Variants in AUH observed in about 807,000 individuals in gnomAD.
AUH encodes the protein methylglutaconyl-CoA hydratase, mitochondrial.
Under a neutral mutation model 42.3 loss-of-function variants are expected in AUH, and 29 were observed. That is an observed-to-expected ratio of 0.69 (90% confidence interval 0.51 to 0.93). The LOEUF (loss-of-function observed/expected upper bound fraction) is 0.93, where lower values mean the gene tolerates loss of function less well. Ranked by LOEUF, AUH falls within the 40% of genes least tolerant of loss-of-function variation. The pLI is 0.00. For missense variants in AUH, 452 were observed against 438.1 expected (o/e 1.03, Z -0.28); for synonymous variants, 174 against 166.4 (o/e 1.05, Z -0.35).
At chr9:91,282,754 G>A (rs543791662) in intron 6 of AUH, among the ~76,000 whole-genome samples, 3 of 152,130 alleles carry the variant, frequency 2.0e-5, no homozygotes, top group African/African-American at 4.8e-5. Context: ...CTCCCAAGAC[G>A]AAACCAGGAA....
intron 8 of AUH, 66 bp downstream of exon 8, chr9:91,217,211 A>G (rs1826871943): frequency 6.7e-7 from 1 of 1,490,282 alleles, no homozygotes; most frequent in Non-Finnish European, 9.3e-7. Context: ...AAGTCTAAAC[A>G]TGGTTCATTT....
chr9:91,313,094 G>A lies in AUH; in HGVS notation c.505+12224C>T, dbSNP rs1481388058. Among the ~76,000 whole-genome samples, 4 of 152,152 alleles carry A rather than the reference G, an allele frequency of 2.6e-5. 1 individual carries two copies. In the East Asian group the frequency reaches 5.8e-4, roughly 22 times the overall value. On this transcript the variant is annotated intron_variant, in intron 4 of 9. Coordinates refer to ENST00000375731, the MANE Select transcript of AUH (RefSeq NM_001698.3). ...CGGGGGGGGTTGTTTTTTTGGCAAG[G>A]GTTAAAGCAGAGTAGACTTACTGAG...
chr9:91,256,948 C>T (rs1829433793), intron 6 of AUH, among the ~76,000 whole-genome samples: 1 of 152,148 alleles, frequency 6.6e-6, no homozygotes, highest in South Asian at 2.1e-4. Context: ...AACATCAAAG[C>T]TTCTCTCTCC....
At chr9:91,257,341 C>T (rs1829459054) in intron 6 of AUH, among the ~76,000 whole-genome samples, 1 of 151,512 alleles carries the variant, frequency 6.6e-6, no homozygotes, top group African/African-American at 2.4e-5. Flanking sequence ...GATCTGTAGT[C>T]AGACCTCCTA....
At chr9:91,230,130 T>C (rs1827779332) in intron 6 of AUH, among the ~76,000 whole-genome samples, 1 of 151,658 alleles carries the variant, frequency 6.6e-6, no homozygotes, top group Admixed American at 6.6e-5. Context: ...GAAATTCTCC[T>C]GGATAATATC....
intron 3 of AUH, among the ~76,000 whole-genome samples, chr9:91,328,522 C>T (rs979505224): frequency 1.3e-5 from 2 of 152,120 alleles, no homozygotes; most frequent in African/African-American, 4.8e-5. Flanking sequence ...GTATAAAAGC[C>T]GTAGCACGAA....
At chr9:91,341,489 C>T (rs902371955) in intron 3 of AUH, among the ~76,000 whole-genome samples, 1 of 152,206 alleles carries the variant, frequency 6.6e-6, no homozygotes, top group African/African-American at 2.4e-5. Flanking sequence ...TTTACTGGTA[C>T]CCTAGATACA....
intron 4 of AUH, among the ~76,000 whole-genome samples, chr9:91,303,456 G>A (rs946598990): frequency 8.6e-5 from 13 of 151,936 alleles, no homozygotes; most frequent in Non-Finnish European, 1.6e-4. Flanking sequence ...TCAGTCTCCC[G>A]AGTAGCTGGG....
chr9:91,238,025 C>T (rs1828291163), intron 6 of AUH, among the ~76,000 whole-genome samples: 1 of 152,156 alleles, frequency 6.6e-6, no homozygotes, highest in African/African-American at 2.4e-5. Context: ...TTTTGCTAGT[C>T]AGTACTTCAC....
At chr9:91,302,368 T>C (rs1027750338) in intron 4 of AUH, among the ~76,000 whole-genome samples, 1 of 151,996 alleles carries the variant, frequency 6.6e-6, no homozygotes, top group Non-Finnish European at 1.5e-5. Context: ...GGCAGACAGA[T>C]CACCTGAGGC....
chr9:91,301,496 G>T (rs1374656447), intron 4 of AUH, among the ~76,000 whole-genome samples: 1 of 152,170 alleles, frequency 6.6e-6, no homozygotes, highest in Non-Finnish European at 1.5e-5. Context: ...CCTGTGCCCA[G>T]GAATTCAAGA....
At chr9:91,321,853 C>A (rs941129597) in intron 4 of AUH, among the ~76,000 whole-genome samples, 4 of 152,158 alleles carry the variant, frequency 2.6e-5, no homozygotes, top group African/African-American at 9.7e-5. Flanking sequence ...GTTGATACAT[C>A]ATCTATGGTT....
At chr9:91,324,843 A>G (rs1350210776) in intron 4 of AUH, among the ~76,000 whole-genome samples, 1 of 152,006 alleles carries the variant, frequency 6.6e-6, no homozygotes, top group African/African-American at 2.4e-5. Flanking sequence ...CTACCTTATT[A>G]TAAATAACAT....
At chr9:91,278,784 C>A (rs1244092050) in intron 6 of AUH, among the ~76,000 whole-genome samples, 1 of 152,188 alleles carries the variant, frequency 6.6e-6, no homozygotes, top group Non-Finnish European at 1.5e-5. Context: ...TTTCAAGACA[C>A]TGGATAAGGC....
intron 6 of AUH, among the ~76,000 whole-genome samples, chr9:91,258,589 G>A (rs1404016410): frequency 1.3e-5 from 2 of 152,192 alleles, no homozygotes; most frequent in Non-Finnish European, 2.9e-5. Context: ...AAACCTATGG[G>A]ACAATGTTGG....
At chr9:91,233,781 C>T (rs114626372) in intron 6 of AUH, among the ~76,000 whole-genome samples, 3,780 of 152,280 alleles carry the variant, frequency 0.025, 73 homozygotes, top group East Asian at 0.058. Flanking sequence ...GAAGTGTCTT[C>T]TGTATAAGGT....
Position 91,286,720 on chromosome 9 carries a change from TA to T in AUH, c.655+9300del, listed in dbSNP as rs139430663. ...GACTCAGACAATCGCCTGAATTCTC[TA>T]AAAAAAAAAAAAAAAAATCTATCTA... On this transcript the variant is annotated intron_variant, in intron 6 of 9. Transcript: ENST00000375731. Among the ~76,000 whole-genome samples the T allele has an allele frequency of 4.8e-3, 638 of 132,520 alleles. 1 individual carries two copies. Among genetic ancestry groups the T allele is most frequent in the South Asian group, 0.013 (52 of 4,152 alleles). 86.9% of individuals were successfully genotyped at this position (132,520 alleles called of 152,430 possible).
intron 1 of AUH, among the ~76,000 whole-genome samples, chr9:91,359,327 T>TTG (rs1832676514): frequency 6.6e-6 from 1 of 152,238 alleles, no homozygotes; most frequent in African/African-American, 2.4e-5. Context: ...ACATGTAATG[T>TTG]AACCTTCCAG....
intron 6 of AUH, among the ~76,000 whole-genome samples, chr9:91,229,887 A>T (rs1451093432): frequency 1.3e-5 from 2 of 150,790 alleles, no homozygotes; most frequent in African/African-American, 4.9e-5. Flanking sequence ...ATTGGCCCCC[A>T]CTCTCTTCTG....
Sources: allele counts gnomAD v4.1 joint callset (sites outside exome capture counted in the v4.1 genomes callset), GRCh38; gene constraint gnomAD v4.1.1; transcripts MANE v1.5; gene names NCBI Gene and HGNC (gene_info 2026-07-23, HGNC 2026-07-21).